Variants in JAK2 observed in about 807,000 individuals in gnomAD.
JAK2 encodes tyrosine-protein kinase JAK2.
JAK2 carries 86 observed loss-of-function variants against 139.3 expected under a neutral mutation model. That is an observed-to-expected ratio of 0.62 (90% confidence interval 0.52 to 0.74). The LOEUF is 0.74. Among genes scored for constraint, JAK2 ranks in the 30% least tolerant of loss-of-function variants. The pLI is 0.00. For synonymous variants in JAK2, 490 were observed against 437.7 expected (o/e 1.12, Z -1.49); for missense variants, 1,421 against 1,360.3 (o/e 1.04, Z -0.70).
chr9:5,009,641 C>T (rs1469641873), intron 2 of JAK2, among the ~76,000 whole-genome samples: 1 of 152,116 alleles, frequency 6.6e-6, no homozygotes, highest in Non-Finnish European at 1.5e-5. Context: ...ATTCCTACAA[C>T]CCCTGCCCCA....
At chr9:5,111,184 A>T in intron 22 of JAK2, 1 of 693,890 alleles carries the variant, frequency 1.4e-6, no homozygotes. Flanking sequence ...CTCTCCATTC[A>T]CATTCCTGGG....
intron 19 of JAK2, among the ~76,000 whole-genome samples, 193 bp from the exon 20 acceptor site, chr9:5,089,481 T>C (rs1021445008): frequency 2.3e-5 from 3 of 129,810 alleles, no homozygotes; most frequent in African/African-American, 8.9e-5. Context: ...GAGCTTGCAG[T>C]GAGCCGAGAT....
intron 12 of JAK2, among the ~76,000 whole-genome samples, chr9:5,070,354 A>G (rs940676806): frequency 5.3e-5 from 8 of 152,094 alleles, no homozygotes; most frequent in East Asian, 3.8e-4. Context: ...CAAGTTCTCA[A>G]GAAAGTAAGG....
At chr9:5,022,263 TTATGC>T in intron 3 of JAK2, 50 bp downstream of exon 3, 3 of 1,285,446 alleles carry the variant, frequency 2.3e-6, no homozygotes, top group Non-Finnish European at 3.4e-6. Flanking sequence ...ATTGTTTTAA[TTATGC>T]TATGCTAATA....
At chr9:5,007,458 AT>A (rs1488337834) in intron 2 of JAK2, among the ~76,000 whole-genome samples, 1 of 152,082 alleles carries the variant, frequency 6.6e-6, no homozygotes, top group African/African-American at 2.4e-5. Context: ...TTTAGGTGCC[AT>A]TGGCAAATTT....
chr9:5,042,084 A>G (rs1816594875), intron 4 of JAK2: 1 of 221,736 alleles, frequency 4.5e-6, no homozygotes, highest in East Asian at 1.5e-4. Context: ...CATCCCCGGG[A>G]CGAGGGGTCA....
intron 23 of JAK2, chr9:5,125,870 AG>A (rs1823956922): frequency 6.6e-6 from 1 of 151,996 alleles, no homozygotes; most frequent in South Asian, 2.1e-4. Context: ...ATTGAAAATA[AG>A]TAAATGATGT....
intron 2 of JAK2, among the ~76,000 whole-genome samples, chr9:4,988,725 C>G (rs540894762): frequency 6.6e-6 from 1 of 152,270 alleles, no homozygotes; most frequent in African/African-American, 2.4e-5. Context: ...GTACTAGTCA[C>G]TTCCTGGTTT....
intron 22 of JAK2, among the ~76,000 whole-genome samples, chr9:5,104,203 TAGAG>T (rs1459365459): frequency 6.6e-6 from 1 of 151,756 alleles, no homozygotes; most frequent in Non-Finnish European, 1.5e-5. Context: ...AAGAATCAAA[TAGAG>T]GGAATAAAAA....
At chr9:5,041,690 C>A in intron 4 of JAK2, 1 of 506,732 alleles carries the variant, frequency 2.0e-6, no homozygotes, top group Non-Finnish European at 4.0e-6. Flanking sequence ...TCGACCGAAG[C>A]GGCTTCGTGT....
At chr9:5,065,549 G>C (rs550623301) in intron 9 of JAK2, among the ~76,000 whole-genome samples, 1 of 152,154 alleles carries the variant, frequency 6.6e-6, no homozygotes, top group Non-Finnish European at 1.5e-5. Context: ...ACATGTGGCT[G>C]TTTAGCATTT....
chr9:5,080,138 T>C (rs1353791931), intron 16 of JAK2, 91 bp from the exon 17 acceptor site: 2 of 1,015,672 alleles, frequency 2.0e-6, no homozygotes, highest in Non-Finnish European at 2.9e-6. Context: ...GCCTGATTAT[T>C]CAAATGATTT....
At chr9:5,077,949 C>A (rs1177997021) in intron 15 of JAK2, among the ~76,000 whole-genome samples, 1 of 152,162 alleles carries the variant, frequency 6.6e-6, no homozygotes, top group African/African-American at 2.4e-5. Flanking sequence ...ACCAGGGGGA[C>A]TGCCAGTCAT....
chr9:5,061,759 C>T (rs1818189285), intron 8 of JAK2, among the ~76,000 whole-genome samples: 1 of 152,204 alleles, frequency 6.6e-6, no homozygotes, highest in Non-Finnish European at 1.5e-5. Flanking sequence ...TCATAACTTG[C>T]CTTTTTAGTG....
At chr9:5,094,636 C>T (rs1820841544) in intron 22 of JAK2, 1 of 152,260 alleles carries the variant, frequency 6.6e-6, no homozygotes, top group South Asian at 2.1e-4. Context: ...TTTATTTCCA[C>T]ACTAGCAAAA....
At chr9:5,044,571 CTGTT>C in intron 5 of JAK2, 51 bp downstream of exon 5, 1 of 1,151,420 alleles carries the variant, frequency 8.7e-7, no homozygotes. Flanking sequence ...AAATATCTTG[CTGTT>C]TAATAAGTCA....
At chr9:5,124,588 C>T (rs1823853000) in intron 23 of JAK2, among the ~76,000 whole-genome samples, 1 of 151,686 alleles carries the variant, frequency 6.6e-6, no homozygotes, top group Non-Finnish European at 1.5e-5. Flanking sequence ...CAAAAAGAGC[C>T]CTAATAGCAA....
chr9:5,069,090 T>C lies in JAK2; in HGVS notation c.1395T>C (p.Ser465=). The C allele has an allele frequency of 6.2e-7, 1 of 1,611,536 alleles. No homozygotes were observed. The highest frequency in any genetic ancestry group is 8.5e-7 in the Non-Finnish European group (1 of 1,178,062). Residue 465 remains serine (S), a synonymous_variant, in exon 11 of 25, where the codon AGT becomes AGC. Transcript: ENST00000381652. ...ATGAGAATGAAGAGTACAACCTCAG[T>C]GGGACAAAGAAGAACTTCAGCAGTC... ...TKNENEEYNL[S]GTKKNFSSLK... is the part of the protein sequence containing the mutation.
At chr9:5,020,087 G>A (rs1439724317) in intron 2 of JAK2, among the ~76,000 whole-genome samples, 1 of 152,124 alleles carries the variant, frequency 6.6e-6, no homozygotes, top group African/African-American at 2.4e-5. Context: ...ACAGGCCCCT[G>A]GGCAGTGAGC....
Sources: gnomAD v4.1 joint callset for allele counts (sites outside exome capture counted in the v4.1 genomes callset) on GRCh38, gnomAD v4.1.1 for gene constraint, MANE v1.5 for transcripts, NCBI Gene and HGNC (gene_info 2026-07-23, HGNC 2026-07-21) for gene names.